Variants in SCEL observed in about 807,000 individuals in gnomAD.
The protein encoded by SCEL is sciellin.
In SCEL, 113 loss-of-function variants were observed where a neutral mutation model predicts 117.6. The ratio of observed to expected loss-of-function variants is 0.96; its 90% confidence interval spans 0.83 to 1.12. The LOEUF is 1.12. Among genes scored for constraint, SCEL ranks in the 50% most tolerant of loss-of-function variants. SCEL has a pLI of 0.00. For synonymous variants in SCEL, 270 were observed against 256.2 expected (o/e 1.05, Z -0.51); for missense variants, 785 against 810.8 (o/e 0.97, Z 0.39).
chr13:77,555,858 T>C lies in SCEL; in HGVS notation c.-18T>C. 1 of 1,608,580 alleles carries C rather than the reference T, an allele frequency of 6.2e-7. No homozygotes were observed. The highest frequency in any genetic ancestry group is 8.5e-7 in the Non-Finnish European group (1 of 1,175,106). ...CTCTATTTCCCATTTTTCTTTTAGG[T>C]CCTTACTGGAAGGCAGCATGTCCAA... On this transcript the variant is annotated splice_region_variant and 5_prime_UTR_variant, in exon 2 of 33. Coordinates refer to ENST00000349847, the MANE Select transcript of SCEL (RefSeq NM_144777.3).
chr13:77,593,468 A>G (rs2087036101), intron 11 of SCEL, 46 bp from the exon 12 acceptor site: 1 of 1,462,304 alleles, frequency 6.8e-7, no homozygotes, highest in Admixed American at 1.8e-5. Flanking sequence ...TCCTTCAAAA[A>G]TAGCTCGACT....
chr13:77,644,394 T>C lies in SCEL; in HGVS notation c.*120T>C. 1 of 1,000,528 alleles carries C rather than the reference T, an allele frequency of 1.0e-6. No individual in the cohort carries two copies. Among genetic ancestry groups the C allele is most frequent in the Non-Finnish European group, 1.5e-6 (1 of 661,586 alleles). 62.0% of individuals were successfully genotyped at this position (1,000,528 alleles called of 1,614,324 possible). On this transcript the variant is annotated 3_prime_UTR_variant, in exon 33 of 33. Transcript: ENST00000349847. ...ATTGAAGATCAACTCTTGTACAAAA[T>C]TAACAATTCTGTTATTGCATAAGTA...
At chr13:77,609,879 C>T (rs915732069) in intron 21 of SCEL, among the ~76,000 whole-genome samples, 168 bp from the exon 22 acceptor site, 25 of 152,234 alleles carry the variant, frequency 1.6e-4, no homozygotes, top group African/African-American at 5.8e-4. Flanking sequence ...AGTTAGGTCC[C>T]TATATGTATA....
chr13:77,572,519 T>C (rs572991479), intron 9 of SCEL, among the ~76,000 whole-genome samples: 5 of 152,318 alleles, frequency 3.3e-5, no homozygotes, highest in African/African-American at 1.2e-4. Flanking sequence ...TATTGTCTCA[T>C]GGTTTTAGAG....
chr13:77,644,444 C>G lies in SCEL; in HGVS notation c.*170C>G. 1 of 651,340 alleles carries G rather than the reference C, an allele frequency of 1.5e-6. No individual in the cohort carries two copies. Among genetic ancestry groups the G allele is most frequent in the Non-Finnish European group, 2.6e-6 (1 of 389,394 alleles). The allele number at this position is 651,340 out of a possible 1,614,324, so 40.3% of individuals were successfully genotyped here. A position where few individuals can be genotyped will look rare whatever the true frequency, so the allele number is the denominator to read the frequency against. On this transcript the variant is annotated 3_prime_UTR_variant, in exon 33 of 33. Transcript: ENST00000349847. Reference sequence around the variant, plus strand: ...AATCTAATTGTCTTCAATAAGGTCACACACATAAAAAGAGCCATCTGGTCT... The same window carrying G: ...AATCTAATTGTCTTCAATAAGGTCAGACACATAAAAAGAGCCATCTGGTCT...
At chr13:77,542,912 C>T (rs2083784543) in intron 1 of SCEL, among the ~76,000 whole-genome samples, 2 of 152,088 alleles carry the variant, frequency 1.3e-5, no homozygotes, top group South Asian at 4.2e-4. Context: ...GGGATTTTCC[C>T]TGTTTCATTG....
At chr13:77,600,453 A>G (rs2087588650) in intron 15 of SCEL, among the ~76,000 whole-genome samples, 1 of 152,140 alleles carries the variant, frequency 6.6e-6, no homozygotes, top group Admixed American at 6.6e-5. Context: ...TAGAGTGTAT[A>G]AAGGCACTTC....
chr13:77,635,683 G>T (rs2090243935), intron 29 of SCEL, among the ~76,000 whole-genome samples: 1 of 152,116 alleles, frequency 6.6e-6, no homozygotes, highest in Non-Finnish European at 1.5e-5. Flanking sequence ...ATATTAACTT[G>T]ATTCATGGAA....
intron 11 of SCEL, among the ~76,000 whole-genome samples, chr13:77,593,299 T>TGTGTGCGC (rs2087015144): frequency 9.2e-6 from 1 of 109,030 alleles, no homozygotes; most frequent in Non-Finnish European, 2.0e-5. Flanking sequence ...TGTGTGTGTC[T>TGTGTGCGC]GTGTGTGTGT....
At chr13:77,568,354 T>C (rs370149246) in intron 7 of SCEL, 21 bp downstream of exon 7, 33 of 1,455,926 alleles carry the variant, frequency 2.3e-5, no homozygotes, top group East Asian at 1.4e-4. Flanking sequence ...TTTCTAATTG[T>C]AGTATATTTC....
At chr13:77,541,205 TATA>T (rs1168058765) in intron 1 of SCEL, among the ~76,000 whole-genome samples, 2 of 152,160 alleles carry the variant, frequency 1.3e-5, no homozygotes. Flanking sequence ...GTAAGAAATA[TATA>T]ATAATTGTCA....
chr13:77,626,415 A>G (rs988713499), intron 27 of SCEL, among the ~76,000 whole-genome samples: 2 of 152,184 alleles, frequency 1.3e-5, no homozygotes, highest in Non-Finnish European at 2.9e-5. Context: ...TCTCACCACA[A>G]TTGTATGAGT....
chr13:77,574,173 A>G (rs2085804962), intron 9 of SCEL, among the ~76,000 whole-genome samples: 1 of 152,250 alleles, frequency 6.6e-6, no homozygotes, highest in Admixed American at 6.5e-5. Context: ...AACAGTGTAA[A>G]ACATGGAAAG....
intron 8 of SCEL, among the ~76,000 whole-genome samples, chr13:77,569,667 C>T (rs541743434): frequency 1.0e-3 from 155 of 152,264 alleles, no homozygotes; most frequent in Non-Finnish European, 1.9e-3. Flanking sequence ...TGATAGAGCT[C>T]GCATGTTAAA....
chr13:77,604,139 A>G (rs2087932902), intron 18 of SCEL: 1 of 359,828 alleles, frequency 2.8e-6, no homozygotes, highest in Non-Finnish European at 4.9e-6. Flanking sequence ...CTGAGAACAA[A>G]ACAAAAAATC....
intron 1 of SCEL, among the ~76,000 whole-genome samples, chr13:77,545,254 C>T (rs1029638837): frequency 7.2e-5 from 11 of 152,140 alleles, no homozygotes; most frequent in Non-Finnish European, 1.2e-4. Flanking sequence ...GAAACTGAAA[C>T]GTGGCACTTA....
chr13:77,614,067 T>G, intron 24 of SCEL, 112 bp downstream of exon 24: 1 of 912,038 alleles, frequency 1.1e-6, no homozygotes, highest in South Asian at 1.5e-5. Flanking sequence ...CAAAATATCA[T>G]CACAGGTGGA....
chr13:77,605,361 T>G (rs767990986), intron 19 of SCEL, among the ~76,000 whole-genome samples: 1 of 152,178 alleles, frequency 6.6e-6, no homozygotes, highest in Non-Finnish European at 1.5e-5. Flanking sequence ...ACCCAATGAA[T>G]TCAAGGCTTG....
At chr13:77,568,038 A>C (rs764745593) in intron 6 of SCEL, among the ~76,000 whole-genome samples, 15 of 152,248 alleles carry the variant, frequency 9.9e-5, no homozygotes, top group Non-Finnish European at 2.1e-4. Context: ...ATTGTTAAGG[A>C]AAATTACTGA....
Sources: allele counts gnomAD v4.1 joint callset (sites outside exome capture counted in the v4.1 genomes callset), GRCh38; gene constraint gnomAD v4.1.1; transcripts MANE v1.5; gene names NCBI Gene and HGNC (gene_info 2026-07-23, HGNC 2026-07-21).